NCAM2: variants seen among roughly 807,000 people sequenced by gnomAD.
NCAM2 encodes the protein N-CAM-2.
Under a neutral mutation model 98.1 loss-of-function variants are expected in NCAM2, and 30 were observed. The ratio of observed to expected loss-of-function variants is 0.31; its 90% confidence interval spans 0.23 to 0.41. The LOEUF (loss-of-function observed/expected upper bound fraction) is 0.41. NCAM2 is among the 10% of genes least tolerant of loss of function. The probability of loss-of-function intolerance (pLI) is 1.00; values close to 1 mark genes in which losing one functional copy is unlikely to be tolerated. For synonymous variants in NCAM2, 368 were observed against 342.4 expected (o/e 1.07, Z -0.83); for missense variants, 867 against 1,005.8 (o/e 0.86, Z 1.87).
intron 8 of NCAM2, among the ~76,000 whole-genome samples, chr21:21,348,110 T>C (rs2075237953): frequency 1.3e-5 from 2 of 151,956 alleles, no homozygotes; most frequent in Non-Finnish European, 2.9e-5. Context: ...AAGTACCAAC[T>C]AGAACAATTA....
chr21:21,530,120 T>C (rs561095294), intron 16 of NCAM2, among the ~76,000 whole-genome samples: 84 of 125,932 alleles, frequency 6.7e-4, no homozygotes, highest in African/African-American at 2.4e-3. Context: ...TTAATTTAAT[T>C]TAATTATATA....
At chr21:21,370,929 A>C (rs1463152753) in intron 8 of NCAM2, among the ~76,000 whole-genome samples, 1 of 151,876 alleles carries the variant, frequency 6.6e-6, no homozygotes, top group Non-Finnish European at 1.5e-5. Flanking sequence ...TTGTTGAATA[A>C]ATTTTTTATT....
chr21:21,064,139 G>A (rs62207562), intron 1 of NCAM2, among the ~76,000 whole-genome samples: 26,931 of 152,158 alleles, frequency 0.18, 2,606 homozygotes, highest in Non-Finnish European at 0.19. Context: ...AATTAGGTCA[G>A]TGTGGCTACA....
At chr21:21,453,270 G>A (rs983625531) in intron 12 of NCAM2, among the ~76,000 whole-genome samples, 3 of 151,048 alleles carry the variant, frequency 2.0e-5, no homozygotes, top group Non-Finnish European at 4.4e-5. Flanking sequence ...ATAAAGAGGA[G>A]TCAGCAGGGT....
At chr21:21,451,603 A>G (rs1340222787) in intron 12 of NCAM2, among the ~76,000 whole-genome samples, 1 of 152,136 alleles carries the variant, frequency 6.6e-6, no homozygotes, top group Non-Finnish European at 1.5e-5. Flanking sequence ...CCCACCCTTT[A>G]AATTAAAAGC....
chr21:21,394,990 TA>T (rs749042418), intron 9 of NCAM2, among the ~76,000 whole-genome samples: 15 of 152,192 alleles, frequency 9.9e-5, no homozygotes, highest in Non-Finnish European at 2.1e-4. Flanking sequence ...TCAGGTGCTG[TA>T]GAAGAACTGT....
intron 5 of NCAM2, among the ~76,000 whole-genome samples, chr21:21,311,670 T>A (rs1369137269): frequency 6.6e-6 from 1 of 152,150 alleles, no homozygotes; most frequent in African/African-American, 2.4e-5. Flanking sequence ...TACTAAAGTC[T>A]TCTTTTGTTT....
intron 5 of NCAM2, among the ~76,000 whole-genome samples, chr21:21,303,071 G>A (rs1003812986): frequency 1.4e-4 from 22 of 151,956 alleles, no homozygotes; most frequent in Non-Finnish European, 4.4e-5. Flanking sequence ...ACCTCCGCAT[G>A]GGAACCATAG....
At chr21:21,360,680 C>CTT (rs764229419) in intron 8 of NCAM2, among the ~76,000 whole-genome samples, 2 of 148,176 alleles carry the variant, frequency 1.3e-5, no homozygotes, top group Non-Finnish European at 3.0e-5. Context: ...ATATGCCAGT[C>CTT]TTTTTTTTTT....
chr21:21,472,140 A>G (rs73896922), intron 14 of NCAM2, among the ~76,000 whole-genome samples: 2,399 of 152,048 alleles, frequency 0.016, 70 homozygotes, highest in African/African-American at 0.055. Flanking sequence ...TAATTTGATG[A>G]TAGCTATGGG....
At chr21:21,146,550 T>TAC (rs1280048820) in intron 1 of NCAM2, among the ~76,000 whole-genome samples, 2 of 50,046 alleles carry the variant, frequency 4.0e-5, no homozygotes, top group East Asian at 3.4e-4. Flanking sequence ...TTACAGGATA[T>TAC]ATATATGTAT....
intron 15 of NCAM2, among the ~76,000 whole-genome samples, chr21:21,497,262 A>G (rs1184526297): frequency 1.3e-5 from 2 of 152,124 alleles, no homozygotes; most frequent in Non-Finnish European, 2.9e-5. Context: ...TGTGCTCGCT[A>G]TCAGGGTGAT....
chr21:21,071,924 T>TACA (rs571694031), intron 1 of NCAM2, among the ~76,000 whole-genome samples: 2,440 of 144,634 alleles, frequency 0.017, 6 homozygotes, highest in African/African-American at 0.062. Context: ...TCTATCTATA[T>TACA]TTTTTTGAGA....
chr21:21,167,979 C>A (rs1197816145), intron 1 of NCAM2, among the ~76,000 whole-genome samples: 1 of 151,904 alleles, frequency 6.6e-6, no homozygotes, highest in Non-Finnish European at 1.5e-5. Flanking sequence ...TACCCTAATA[C>A]TAAATTACAT....
intron 12 of NCAM2, among the ~76,000 whole-genome samples, chr21:21,450,430 C>T (rs1332595165): frequency 6.6e-6 from 1 of 151,034 alleles, no homozygotes; most frequent in Non-Finnish European, 1.5e-5. Context: ...TGAAGCCTTC[C>T]AAAACCTGGG....
At position 21,496,350 on chromosome 21, in the gene NCAM2, C is replaced by A. The variant is rs185479162; in HGVS notation, c.2078-12501C>A. ...ACTATCTCATTGTGGTTTTGATTTA[C>A]ATTTTTGATGATTAATGATGCTAAG... On this transcript the variant is annotated intron_variant, in intron 15 of 17. Transcript: ENST00000400546. Among the ~76,000 whole-genome samples the A allele has an allele frequency of 3.1e-4, 47 of 152,098 alleles. No homozygotes were observed. The East Asian group carries it at 7.5e-3, about 24-fold the overall frequency.
intron 6 of NCAM2, among the ~76,000 whole-genome samples, chr21:21,330,657 T>C (rs1414102547): frequency 6.6e-6 from 1 of 152,074 alleles, no homozygotes; most frequent in Non-Finnish European, 1.5e-5. Flanking sequence ...TTCTCCAACT[T>C]TATTTTTAAA....
At chr21:21,047,942 C>T (rs545292950) in intron 1 of NCAM2, among the ~76,000 whole-genome samples, 1 of 152,210 alleles carries the variant, frequency 6.6e-6, no homozygotes, top group East Asian at 1.9e-4. Flanking sequence ...TCTGGTATAA[C>T]CAGGAAGAAA....
At chr21:21,520,316 G>A (rs189154810) in intron 16 of NCAM2, among the ~76,000 whole-genome samples, 4 of 151,954 alleles carry the variant, frequency 2.6e-5, no homozygotes, top group African/African-American at 9.7e-5. Context: ...TAAATGTTAT[G>A]TAAAATAAAT....
Sources: allele counts gnomAD v4.1 joint callset (sites outside exome capture counted in the v4.1 genomes callset), GRCh38; gene constraint gnomAD v4.1.1; transcripts MANE v1.5; gene names NCBI Gene and HGNC (gene_info 2026-07-23, HGNC 2026-07-21).